The following EML5 variants were observed in gnomAD, a reference collection of about 807,000 sequenced individuals.
EML5 encodes EMAP like 5.
EML5 carries 120 observed loss-of-function variants against 250.0 expected under a neutral mutation model. The observed-to-expected ratio is 0.48, with a 90% CI of 0.41 to 0.56. The LOEUF (loss-of-function observed/expected upper bound fraction) is 0.56, where lower values mean the gene tolerates loss of function less well. Among genes scored for constraint, EML5 ranks in the 20% least tolerant of loss-of-function variants. The pLI is 0.00. For synonymous variants in EML5, 771 were observed against 806.5 expected (o/e 0.96, Z 0.75); for missense variants, 2,006 against 2,437.6 (o/e 0.82, Z 3.73).
At chr14:88,666,236 T>C (rs2092303586) in intron 21 of EML5, among the ~76,000 whole-genome samples, 1 of 152,100 alleles carries the variant, frequency 6.6e-6, no homozygotes, top group African/African-American at 2.4e-5. Context: ...ATAAAAGTAA[T>C]TTTTTTTGAG....
intron 2 of EML5, among the ~76,000 whole-genome samples, chr14:88,751,071 A>G (rs1490046485): frequency 6.6e-6 from 1 of 152,232 alleles, no homozygotes; most frequent in Non-Finnish European, 1.5e-5. Flanking sequence ...CTGCAACTAC[A>G]GGCAATAACA....
intron 2 of EML5, 24 bp from the exon 3 acceptor site, chr14:88,746,307 G>A (rs770456311): frequency 6.3e-7 from 1 of 1,590,460 alleles, no homozygotes; most frequent in East Asian, 2.2e-5. Flanking sequence ...AAGAAGTCCA[G>A]GAAGGAATAA....
chr14:88,750,385 C>CATT (rs1417690714), intron 2 of EML5, among the ~76,000 whole-genome samples: 4 of 151,966 alleles, frequency 2.6e-5, no homozygotes, highest in Non-Finnish European at 5.9e-5. Flanking sequence ...TGCTTCATAT[C>CATT]ATTATTATTA....
chr14:88,634,854 G>A (rs1182341667), intron 32 of EML5, among the ~76,000 whole-genome samples: 2 of 152,044 alleles, frequency 1.3e-5, no homozygotes, highest in Non-Finnish European at 2.9e-5. Context: ...GACAGCAAAG[G>A]TTACTATATA....
At chr14:88,705,349 T>C in intron 12 of EML5, 133 bp downstream of exon 12, 2 of 728,688 alleles carry the variant, frequency 2.7e-6, no homozygotes, top group Non-Finnish European at 4.6e-6. Flanking sequence ...ACACTGACAG[T>C]GGGAAAACTA....
At chr14:88,667,992 G>C (rs1207481053) in intron 21 of EML5, among the ~76,000 whole-genome samples, 1 of 152,098 alleles carries the variant, frequency 6.6e-6, no homozygotes, top group Admixed American at 6.6e-5. Flanking sequence ...TCCACTGAGG[G>C]CTGCACCCTC....
rs529890175 is a variant in EML5 at position 88,673,731 on chromosome 14, A to C, written c.3124+8159T>G. On this transcript the variant is annotated intron_variant, in intron 21 of 43. Transcript: ENST00000554922. ...AAATTACAAGCATTCCTATATACCA[A>C]CAACAGAAAACAGAGAGCCAAATCA... Among the ~76,000 whole-genome samples, 9 of 152,296 alleles carry C rather than the reference A, an allele frequency of 5.9e-5. 1 individual carries two copies. The South Asian group carries it at 1.9e-3, about 32-fold the overall frequency.
rs771270712 is a variant in EML5, at chr14:88,792,284, C to T, written c.197+23G>A. On this transcript the variant is annotated intron_variant, in intron 1 of 43. Coordinates refer to ENST00000554922, the MANE Select transcript of EML5 (RefSeq NM_183387.3). This position sits in a 1 kb window ranked among gnomAD's most constrained non-coding sequence, Gnocchi z 6.9. ...CCGGGAGCGGCTTGCAGGGTGACGG[C>T]GGCGGCCCCCGCTCCCCGGTACCTG... 2.6e-5 allele frequency: 40 copies of T among 1,543,192 alleles called. No individual in the cohort carries two copies. The highest frequency in any genetic ancestry group is 3.3e-5 in the Non-Finnish European group (38 of 1,145,894).
At chr14:88,761,261 T>C (rs993478615) in intron 1 of EML5, among the ~76,000 whole-genome samples, 3 of 152,188 alleles carry the variant, frequency 2.0e-5, no homozygotes, top group African/African-American at 7.2e-5. Context: ...TGCAGGTTTG[T>C]TGCATAGGTA....
intron 11 of EML5, 94 bp downstream of exon 11, chr14:88,706,165 G>A: frequency 1.7e-6 from 2 of 1,199,416 alleles, no homozygotes; most frequent in African/African-American, 1.6e-5. Flanking sequence ...GTTAACTTAT[G>A]AGGCCAGATT....
intron 24 of EML5, among the ~76,000 whole-genome samples, chr14:88,662,657 C>T (rs1482106715): frequency 2.0e-5 from 3 of 151,720 alleles, no homozygotes; most frequent in Non-Finnish European, 4.4e-5. Flanking sequence ...ATCCTCCCAC[C>T]TCAGCCTCCC....
intron 31 of EML5, among the ~76,000 whole-genome samples, chr14:88,642,519 T>C (rs1164276372): frequency 6.6e-6 from 1 of 152,120 alleles, no homozygotes; most frequent in East Asian, 1.9e-4. Context: ...ACATGCTACA[T>C]TCAATCACTA....
chr14:88,781,232 A>C (rs974766431), intron 1 of EML5, among the ~76,000 whole-genome samples: 2 of 152,190 alleles, frequency 1.3e-5, no homozygotes, highest in African/African-American at 4.8e-5. Context: ...TCTGACCCAG[A>C]AGCTGGTGTG....
At chr14:88,742,325 T>G (rs1183176933) in intron 4 of EML5, among the ~76,000 whole-genome samples, 1 of 152,126 alleles carries the variant, frequency 6.6e-6, no homozygotes, top group Non-Finnish European at 1.5e-5. Flanking sequence ...GTACTGCTAG[T>G]GTGACTGAGG....
At chr14:88,738,516 A>G (rs2093880102) in intron 6 of EML5, among the ~76,000 whole-genome samples, 1 of 152,102 alleles carries the variant, frequency 6.6e-6, no homozygotes, top group Non-Finnish European at 1.5e-5. Flanking sequence ...CCAACCCTCA[A>G]TATTTACCCC....
chr14:88,624,801 G>C (rs951214278), intron 36 of EML5, 169 bp downstream of exon 36: 1 of 768,796 alleles, frequency 1.3e-6, no homozygotes, highest in Non-Finnish European at 2.0e-6. Flanking sequence ...ATTAAGACCA[G>C]AAATGAGAAT....
At chr14:88,660,818 A>G (rs1202613283) in intron 25 of EML5, among the ~76,000 whole-genome samples, 1 of 152,094 alleles carries the variant, frequency 6.6e-6, no homozygotes, top group South Asian at 2.1e-4. Context: ...TAAGCAGAAA[A>G]TCATCAACAA....
At chr14:88,737,311 T>A (rs2093857196) in intron 6 of EML5, among the ~76,000 whole-genome samples, 1 of 152,212 alleles carries the variant, frequency 6.6e-6, no homozygotes, top group Non-Finnish European at 1.5e-5. Context: ...TCCCCAAGTT[T>A]TTTAGGTGCC....
At position 88,615,149 on chromosome 14, in the gene EML5, C is replaced by G. The variant is rs962426624; in HGVS notation, c.*669G>C. ...GGCATCTGAACATAAACTGATGGCTCGAAAATGAAAATGGAAATGTAGCAG... is the reference window on the plus strand; with the variant it reads ...GGCATCTGAACATAAACTGATGGCTGGAAAATGAAAATGGAAATGTAGCAG... On this transcript the variant is annotated 3_prime_UTR_variant, in exon 44 of 44. Transcript: ENST00000554922. 1 of 151,900 alleles carries G rather than the reference C, an allele frequency of 6.6e-6. No homozygotes were observed. Among genetic ancestry groups the G allele is most frequent in the Admixed American group, 6.6e-5 (1 of 15,242 alleles). The allele number at this position is 151,900 out of a possible 1,614,324, so 9.4% of individuals were successfully genotyped here. A position where few individuals can be genotyped will look rare whatever the true frequency, so the allele number is the denominator to read the frequency against.
Sources: allele counts gnomAD v4.1 joint callset (sites outside exome capture counted in the v4.1 genomes callset), GRCh38; gene constraint gnomAD v4.1.1; non-coding constraint Gnocchi (gnomAD v3.1); transcripts MANE v1.5; gene names NCBI Gene and HGNC (gene_info 2026-07-23, HGNC 2026-07-21).